The following RAB27B variants were observed in gnomAD, a reference collection of about 807,000 sequenced individuals.
RAB27B encodes the protein RAB27B, member RAS oncogene family.
A neutral mutation model predicts 24.6 loss-of-function variants in RAB27B; 15 were observed. The ratio of observed to expected loss-of-function variants is 0.61; its 90% CI spans 0.41 to 0.94. The LOEUF (loss-of-function observed/expected upper bound fraction) is 0.94, where lower values mean the gene tolerates loss of function less well. Among genes scored for constraint, RAB27B ranks in the 40% least tolerant of loss-of-function variants. The pLI, the probability that RAB27B is intolerant of heterozygous loss-of-function variation, is 0.00. For missense variants in RAB27B, 261 were observed against 266.8 expected, an observed-to-expected ratio of 0.98 and a Z score of 0.15; for synonymous variants, 105 against 92.5, an observed-to-expected ratio of 1.14 and a Z score of -0.78.
At chr18:54,759,691 C>G (rs544497240) in intron 2 of RAB27B, among the ~76,000 whole-genome samples, 4 of 152,220 alleles carry the variant, frequency 2.6e-5, no homozygotes, top group South Asian at 2.1e-4. Context: ...CATCCTGTAC[C>G]CATAAAAAGC....
chr18:54,859,763 G>C (rs1213531670), intron 1 of RAB27B, among the ~76,000 whole-genome samples: 9 of 152,198 alleles, frequency 5.9e-5, no homozygotes, highest in Non-Finnish European at 1.3e-4. Flanking sequence ...GAAAACACTA[G>C]GTGAGTTTGA....
intron 2 of RAB27B, among the ~76,000 whole-genome samples, chr18:54,763,725 A>G (rs959279908): frequency 1.3e-5 from 2 of 152,188 alleles, no homozygotes; most frequent in African/African-American, 2.4e-5. Context: ...TCAGGTTTTT[A>G]TCCTTAAATC....
chr18:54,805,296 C>T (rs1023577022), intron 2 of RAB27B, among the ~76,000 whole-genome samples: 8 of 152,122 alleles, frequency 5.3e-5, no homozygotes, highest in Admixed American at 2.0e-4. Context: ...GGCATTCATC[C>T]GTGGGAAAGG....
At chr18:54,778,456 G>T (rs926429476) in intron 2 of RAB27B, among the ~76,000 whole-genome samples, 1 of 152,218 alleles carries the variant, frequency 6.6e-6, no homozygotes, top group Non-Finnish European at 1.5e-5. Context: ...TGTAAAGGGA[G>T]ATAACAATAC....
chr18:54,760,382 G>A (rs562027007), intron 2 of RAB27B, among the ~76,000 whole-genome samples: 2 of 152,322 alleles, frequency 1.3e-5, no homozygotes, highest in Non-Finnish European at 2.9e-5. Context: ...GGTAGAGGAT[G>A]TAGGGGAGGG....
intron 1 of RAB27B, among the ~76,000 whole-genome samples, chr18:54,843,511 A>T (rs1409231398): frequency 6.6e-6 from 1 of 152,198 alleles, no homozygotes; most frequent in East Asian, 1.9e-4. Context: ...CTGATTCTCC[A>T]GTGACTAAGG....
At chr18:54,866,509 G>C (rs1286851276) in intron 1 of RAB27B, among the ~76,000 whole-genome samples, 1 of 152,218 alleles carries the variant, frequency 6.6e-6, no homozygotes, top group Non-Finnish European at 1.5e-5. Flanking sequence ...TGTTGCCCAG[G>C]CTGGTCTCAA....
At chr18:54,875,738 C>A (rs1264429822) in intron 1 of RAB27B, among the ~76,000 whole-genome samples, 2 of 152,074 alleles carry the variant, frequency 1.3e-5, no homozygotes, top group Non-Finnish European at 1.5e-5. Context: ...TAAAGCAATG[C>A]AAATATTCCA....
chr18:54,811,560 C>T (rs544362833), intron 2 of RAB27B, among the ~76,000 whole-genome samples: 9 of 152,128 alleles, frequency 5.9e-5, no homozygotes, highest in African/African-American at 1.9e-4. Flanking sequence ...TAGTCTGGCT[C>T]GGTGAATCTG....
At chr18:54,784,270 T>G (rs1684827730) in intron 2 of RAB27B, among the ~76,000 whole-genome samples, 1 of 152,214 alleles carries the variant, frequency 6.6e-6, no homozygotes, top group Non-Finnish European at 1.5e-5. Context: ...GGCCTTCACC[T>G]TTTTGCATTC....
At chr18:54,828,007 A>C (rs527596674), upstream of RAB27B, among the ~76,000 whole-genome samples, 75 of 152,272 alleles carry the variant, frequency 4.9e-4, no homozygotes, top group African/African-American at 1.8e-3. Context: ...GTGAATTTGG[A>C]TGTTGCATAC....
intron 2 of RAB27B, among the ~76,000 whole-genome samples, chr18:54,758,329 T>C (rs564860479): frequency 6.6e-6 from 1 of 152,298 alleles, no homozygotes; most frequent in South Asian, 2.1e-4. Context: ...GGGCATTGTG[T>C]TAGTAACTGT....
intron 2 of RAB27B, among the ~76,000 whole-genome samples, chr18:54,765,088 A>C (rs7240674): frequency 0.47 from 68,507 of 145,302 alleles, 17,225 homozygotes; most frequent in Middle Eastern, 0.62. Flanking sequence ...ACAAAAAAAA[A>C]CAAAAAAACA....
At chr18:54,876,339 T>C (rs1912700685) in intron 1 of RAB27B, among the ~76,000 whole-genome samples, 1 of 151,994 alleles carries the variant, frequency 6.6e-6, no homozygotes, top group Non-Finnish European at 1.5e-5. Context: ...CCATATCATG[T>C]CCATAGAATA....
intron 2 of RAB27B, among the ~76,000 whole-genome samples, chr18:54,743,903 G>A (rs149084715): frequency 6.6e-6 from 1 of 152,288 alleles, no homozygotes; most frequent in East Asian, 1.9e-4. Context: ...GGGAGGTGGG[G>A]AGAAGCACAG....
intron 2 of RAB27B, among the ~76,000 whole-genome samples, chr18:54,795,065 A>C (rs1909372168): frequency 6.6e-6 from 1 of 152,178 alleles, no homozygotes; most frequent in Admixed American, 6.5e-5. Flanking sequence ...TATCATCTTT[A>C]TACCAGGATG....
chr18:54,843,844 A>G (rs1055293742), intron 1 of RAB27B, among the ~76,000 whole-genome samples: 2 of 152,218 alleles, frequency 1.3e-5, no homozygotes, highest in African/African-American at 2.4e-5. Context: ...CAAGATCAAA[A>G]CATTTAACAT....
intron 2 of RAB27B, among the ~76,000 whole-genome samples, chr18:54,781,183 A>G (rs1357554938): frequency 6.6e-6 from 1 of 152,080 alleles, no homozygotes; most frequent in Non-Finnish European, 1.5e-5. Flanking sequence ...CAGCCACTCC[A>G]TGCTGCTACC....
intron 2 of RAB27B, among the ~76,000 whole-genome samples, chr18:54,775,061 G>A (rs1908675564): frequency 6.6e-6 from 1 of 152,200 alleles, no homozygotes; most frequent in African/African-American, 2.4e-5. Flanking sequence ...GAGGAACTTG[G>A]CCTCTGTCCT....
Sources: gnomAD v4.1 joint callset for allele counts (sites outside exome capture counted in the v4.1 genomes callset) on GRCh38, gnomAD v4.1.1 for gene constraint, MANE v1.5 for transcripts, NCBI Gene and HGNC (gene_info 2026-07-23, HGNC 2026-07-21) for gene names.